TNIP2: variants seen among roughly 807,000 people sequenced by gnomAD.
TNIP2 encodes the protein TNFAIP3-interacting protein 2.
Under a neutral mutation model 43.7 loss-of-function variants are expected in TNIP2, and 30 were observed. That is an observed-to-expected ratio of 0.69 (90% CI 0.51 to 0.93). The LOEUF (loss-of-function observed/expected upper bound fraction) is 0.93. Ranked by LOEUF, TNIP2 falls within the 40% of genes least tolerant of loss-of-function variation. The pLI, the probability that TNIP2 is intolerant of heterozygous loss-of-function variation, is 0.00. For synonymous variants in TNIP2, 260 were observed against 254.6 expected (o/e 1.02, Z -0.20); for missense variants, 599 against 591.0 (o/e 1.01, Z -0.14).
chr4:2,744,198 CAG>C lies in TNIP2; in HGVS notation c.1026+187_1026+188del, dbSNP rs1186427931. Among the ~76,000 whole-genome samples the C allele has an allele frequency of 2.6e-5, 4 of 152,148 alleles. No homozygotes were observed. The highest frequency in any genetic ancestry group is 9.7e-5 in the African/African-American group (4 of 41,432). ...CCTCCTCCATAACTAAACAGTATAA[CAG>C]GGAGGCTTTCCATGACCACGCCCAG... is the stretch of plus-strand genomic sequence containing the variant. On this transcript the variant is annotated intron_variant, in intron 5 of 5. Transcript: ENST00000315423. The surrounding 1 kb of genome is among the most constrained non-coding windows in gnomAD (Gnocchi z 5.1).
Position 2,742,391 on chromosome 4 carries a change from G to T in TNIP2, c.1156C>A (p.Pro386Thr). ...CCAGGATGCCCGCCCTCTGCAGGGG[G>T]TTCTGGCTGCTGGGACCCAGTCCCA... ...RPGTGSQQPE[P>T]PAEGGHPGAA... The change falls in exon 6 of 6, where the codon CCC (proline) becomes ACC (threonine). Residue 386 changes from proline (P) to threonine (T), a missense_variant. Transcript: ENST00000315423. 1 of 1,610,332 alleles carries T rather than the reference G, an allele frequency of 6.2e-7. No homozygotes were observed. The highest frequency in any genetic ancestry group is 2.2e-5 in the East Asian group (1 of 44,582).
At chr4:2,748,325 C>A (rs1722008875) in intron 1 of TNIP2, among the ~76,000 whole-genome samples, 1 of 152,072 alleles carries the variant, frequency 6.6e-6, no homozygotes, top group Admixed American at 6.6e-5. Context: ...ATAGAGCCCA[C>A]CACCAAGCCC....
intron 5 of TNIP2, among the ~76,000 whole-genome samples, chr4:2,743,534 C>T (rs1054247204): frequency 6.6e-6 from 1 of 152,186 alleles, no homozygotes; most frequent in Non-Finnish European, 1.5e-5. Flanking sequence ...GCCCTTCATG[C>T]GGAGGAGAAG....
At chr4:2,755,205 C>T (rs943672037) in intron 1 of TNIP2, among the ~76,000 whole-genome samples, 1 of 151,950 alleles carries the variant, frequency 6.6e-6, no homozygotes, top group African/African-American at 2.4e-5. Flanking sequence ...ACACCATACA[C>T]ACCCCTCAGA....
At chr4:2,753,963 G>A (rs1156987754) in intron 1 of TNIP2, among the ~76,000 whole-genome samples, 2 of 152,172 alleles carry the variant, frequency 1.3e-5, no homozygotes, top group Admixed American at 6.5e-5. Flanking sequence ...CATGCCAAGT[G>A]TACACACACC....
rs1721802171 is a variant in TNIP2, at chr4:2,742,108, A to G, written c.*149T>C. On this transcript the variant is annotated 3_prime_UTR_variant, in exon 6 of 6. Coordinates refer to ENST00000315423, the MANE Select transcript of TNIP2 (RefSeq NM_024309.4). The stretch of plus-strand genomic sequence containing the variant: ...CCCAGCCTGTTCCATAGCCAAAGGG[A>G]CCAAAGTGAACGATCAGAGTGCCCC... 2 of 763,630 alleles carry G rather than the reference A, an allele frequency of 2.6e-6. No homozygotes were observed. The highest frequency in any genetic ancestry group is 3.7e-6 in the Non-Finnish European group (2 of 539,784). The allele number at this position is 763,630 out of a possible 1,614,324, so 47.3% of individuals were successfully genotyped here.
At chr4:2,755,957 C>T in intron 1 of TNIP2, 57 bp downstream of exon 1, 1 of 1,476,938 alleles carries the variant, frequency 6.8e-7, no homozygotes, top group Admixed American at 2.3e-5. Context: ...ACCCAGGACC[C>T]GGCGGCCGCC....
At chr4:2,745,631 G>A (rs796782182) in intron 2 of TNIP2, 96 bp from the exon 3 acceptor site, 9 of 811,426 alleles carry the variant, frequency 1.1e-5, no homozygotes, top group African/African-American at 3.4e-5. Context: ...TTATCACTGC[G>A]TCCCCCAGTG....
chr4:2,745,349 G>T (rs1233836717), intron 3 of TNIP2, 97 bp downstream of exon 3: 2 of 922,664 alleles, frequency 2.2e-6, no homozygotes, highest in East Asian at 5.2e-5. Flanking sequence ...GTGGCCAGAG[G>T]GCGGGGGGCG....
chr4:2,747,154 T>C (rs1170123967), intron 2 of TNIP2, among the ~76,000 whole-genome samples: 1 of 152,240 alleles, frequency 6.6e-6, no homozygotes, highest in Non-Finnish European at 1.5e-5. Flanking sequence ...GCTTTGGAGA[T>C]GGCGGTTCCA....
At chr4:2,752,082 C>T (rs1164267935) in intron 1 of TNIP2, among the ~76,000 whole-genome samples, 5 of 138,332 alleles carry the variant, frequency 3.6e-5, no homozygotes, top group Non-Finnish European at 7.6e-5. Flanking sequence ...TCCAGCCTGG[C>T]GACAGAGCAA....
chr4:2,750,679 GTTT>G (rs35355125), intron 1 of TNIP2, among the ~76,000 whole-genome samples: 1 of 143,788 alleles, frequency 7.0e-6, no homozygotes, highest in Non-Finnish European at 1.5e-5. Flanking sequence ...CTGACTTCTG[GTTT>G]TTTTTTTTTT....
In TNIP2 at chr4:2,756,275, CG is replaced by C; in HGVS notation, c.14del (p.Pro5ArgfsTer59). On this transcript the variant is annotated frameshift_variant, in exon 1 of 6. Transcript: ENST00000315423. LOFTEE classifies it high-confidence loss of function. ...GGGCCTCCTCCCAGCCGCCCGACCCCGGGTCCCGGGACATGGCTGTAGGCCC... is the reference window on the plus strand; with the variant it reads ...GGGCCTCCTCCCAGCCGCCCGACCCCGGTCCCGGGACATGGCTGTAGGCCC... MSRD[P>X]GSGGWEEAPR... 7.1e-7 allele frequency: 1 copy of C among 1,417,832 alleles called. No individual in the cohort carries two copies. Among genetic ancestry groups the C allele is most frequent in the South Asian group, 1.4e-5 (1 of 70,482 alleles). The allele number at this position is 1,417,832 out of a possible 1,614,324, so 87.8% of individuals were successfully genotyped here.
At position 2,756,007 on chromosome 4, in the gene TNIP2, C is replaced by G. The variant is rs1022344398; in HGVS notation, c.276+7G>C. ...TCCCGCAGCTCCTCTGGTACCCGCC[C>G]TCGTACCTGGCGCATCTGGGCCTCG... is the stretch of plus-strand genomic sequence containing the variant. On this transcript the variant is annotated splice_region_variant and intron_variant, in intron 1 of 5. Coordinates refer to ENST00000315423, the MANE Select transcript of TNIP2 (RefSeq NM_024309.4). The G allele has an allele frequency of 1.9e-6, 3 of 1,546,596 alleles. No individual in the cohort carries two copies. The highest frequency in any genetic ancestry group is 1.7e-6 in the Non-Finnish European group (2 of 1,157,966).
intron 2 of TNIP2, among the ~76,000 whole-genome samples, chr4:2,746,345 A>T (rs1311831300): frequency 6.6e-6 from 1 of 152,170 alleles, no homozygotes; most frequent in Non-Finnish European, 1.5e-5. Context: ...GAGAAGTGAC[A>T]CTTATTTAGA....
chr4:2,755,961 G>A, intron 1 of TNIP2, 53 bp downstream of exon 1: 2 of 1,476,726 alleles, frequency 1.4e-6, no homozygotes, highest in African/African-American at 1.6e-5. Flanking sequence ...AGGACCCGGC[G>A]GCCGCCACAC....
Position 2,742,272 on chromosome 4 carries a change from A to G in TNIP2, c.1275T>C (p.Ala425=), listed in dbSNP as rs232712. ...TGAGTCTCGGTCACTGGCAGCACTC[A>G]GCCACATGCCTGAGGAGCTCTTCCC... The part of the protein sequence containing the change: ...EQGEELLRHV[A]ECCQ Residue 425 remains alanine (A), a synonymous_variant, in exon 6 of 6, where the codon GCT becomes GCC. Coordinates refer to ENST00000315423, the MANE Select transcript of TNIP2 (RefSeq NM_024309.4). The G allele has an allele frequency of 0.81, 1,196,227 of 1,480,438 alleles. 484,771 individuals carry two copies. The highest frequency in any genetic ancestry group is 0.89 in the Admixed American group (38,744 of 43,346). The allele number at this position is 1,480,438 out of a possible 1,614,324, so 91.7% of individuals were successfully genotyped here. A position where few individuals can be genotyped will look rare whatever the true frequency, so the allele number is the denominator to read the frequency against.
At chr4:2,745,040 C>G in intron 3 of TNIP2, 95 bp from the exon 4 acceptor site, 1 of 1,467,420 alleles carries the variant, frequency 6.8e-7, no homozygotes, top group Non-Finnish European at 9.1e-7. Flanking sequence ...CAGTGATTCG[C>G]TGAGTGAGAG....
At chr4:2,754,019 C>T (rs1234636612) in intron 1 of TNIP2, among the ~76,000 whole-genome samples, 1 of 152,248 alleles carries the variant, frequency 6.6e-6, no homozygotes, top group African/African-American at 2.4e-5. Flanking sequence ...AAGAGATTAA[C>T]ACTAGTCATC....
Sources: allele counts gnomAD v4.1 joint callset (sites outside exome capture counted in the v4.1 genomes callset), GRCh38; gene constraint gnomAD v4.1.1; non-coding constraint Gnocchi (gnomAD v3.1); transcripts MANE v1.5; gene names NCBI Gene and HGNC (gene_info 2026-07-23, HGNC 2026-07-21).